Variants in CDC42 observed in about 807,000 individuals in gnomAD.
CDC42 encodes cell division control protein 42 homolog.
In CDC42, 1 loss-of-function variant was observed where a neutral mutation model predicts 20.8. The observed-to-expected ratio is 0.05, with a 90% CI of 0.02 to 0.23. The LOEUF is 0.23. CDC42 is among the 10% of genes least tolerant of loss of function. The probability of loss-of-function intolerance (pLI) is 1.00; values close to 1 mark genes in which losing one functional copy is unlikely to be tolerated. For missense variants in CDC42, 49 were observed against 227.9 expected (o/e 0.21, Z 5.05); for synonymous variants, 72 against 84.8 (o/e 0.85, Z 0.83).
At chr1:22,080,579 T>G (rs570640847) in intron 2 of CDC42, among the ~76,000 whole-genome samples, 1 of 151,558 alleles carries the variant, frequency 6.6e-6, no homozygotes, top group South Asian at 2.1e-4. Flanking sequence ...CTTTTCTTTT[T>G]ATAGATATCA....
At chr1:22,080,398 C>T (rs901065512) in intron 2 of CDC42, among the ~76,000 whole-genome samples, 8 of 152,078 alleles carry the variant, frequency 5.3e-5, no homozygotes, top group Non-Finnish European at 7.4e-5. Flanking sequence ...TTTTAAGAAC[C>T]GACTTTCCTT....
rs2124067392 is a variant in CDC42, at chr1:22,097,358, C to T, written c.*5841C>T. Among the ~76,000 whole-genome samples the T allele has an allele frequency of 6.6e-6, 1 of 152,350 alleles. No homozygotes were observed. ...TGCAATCTCTGCAATTCTCATGCCT[C>T]AGCCTCCCAAGTAGCTGGGACTACA... On this transcript the variant is annotated 3_prime_UTR_variant, in exon 6 of 6. Transcript: ENST00000656825.
At position 22,094,394 on chromosome 1, in the gene CDC42, T is replaced by G. The variant is rs1570054695; in HGVS notation, c.*2877T>G. On this transcript the variant is annotated 3_prime_UTR_variant, in exon 6 of 6. Coordinates refer to ENST00000656825, the MANE Select transcript of CDC42 (RefSeq NM_001791.4). Reference sequence around the variant, plus strand: ...CTCACTGCAAGCTCCGCCTCCCGGGTTCACGCCATTCTCCTGCCTCAGCCT... The same window carrying G: ...CTCACTGCAAGCTCCGCCTCCCGGGGTCACGCCATTCTCCTGCCTCAGCCT... Among the ~76,000 whole-genome samples the G allele has an allele frequency of 2.4e-5, 3 of 125,794 alleles. No homozygotes were observed. The highest frequency in any genetic ancestry group is 3.1e-5 in the African/African-American group (1 of 31,958). The allele number at this position is 125,794 out of a possible 152,430, so 82.5% of individuals were successfully genotyped here.
Position 22,091,766 on chromosome 1 carries a change from T to TTAA in CDC42, c.*249_*250insTAA, listed in dbSNP as rs1389374636. Reference sequence around the variant, plus strand: ...ATTAGTACTATTTTTTTTTGTTGTTTCAAAAAAAAAATTTTTGTGTGTGTG... The same window carrying TTAA: ...ATTAGTACTATTTTTTTTTGTTGTTTTAACAAAAAAAAAATTTTTGTGTGTGTG... On this transcript the variant is annotated 3_prime_UTR_variant, in exon 6 of 6. Coordinates refer to ENST00000656825, the MANE Select transcript of CDC42 (RefSeq NM_001791.4). 6.5e-6 allele frequency: 1 copy of TTAA among 154,036 alleles called. No individual in the cohort carries two copies. The highest frequency in any genetic ancestry group is 9.1e-5 in the Admixed American group (1 of 11,018). 9.5% of individuals were successfully genotyped at this position (154,036 alleles called of 1,614,324 possible). A position where few individuals can be genotyped will look rare whatever the true frequency, so the allele number is the denominator to read the frequency against.
intron 1 of CDC42, among the ~76,000 whole-genome samples, chr1:22,077,640 A>G (rs1645565676): frequency 6.6e-6 from 1 of 152,176 alleles, no homozygotes; most frequent in South Asian, 2.1e-4. Flanking sequence ...ATGGCTGATA[A>G]TGATTCTAAG....
At chr1:22,082,512 C>A (rs149710765) in intron 3 of CDC42, among the ~76,000 whole-genome samples, 1 of 152,276 alleles carries the variant, frequency 6.6e-6, no homozygotes, top group East Asian at 1.9e-4. Context: ...TCTGACTTTT[C>A]TCTATGTGCC....
At chr1:22,078,007 A>G (rs866792627) in intron 1 of CDC42, among the ~76,000 whole-genome samples, 1 of 152,184 alleles carries the variant, frequency 6.6e-6, no homozygotes, top group African/African-American at 2.4e-5. Flanking sequence ...ATCATGAACC[A>G]TTCTTTAAAG....
rs1645280673 is a variant in CDC42, at chr1:22,054,907, ATATATATATATATATTTTTTTTTTTTTT to A, written c.-51+2167_-51+2194del. ...TGAATTTATGTATATATATATATAT[ATATATATATATATATTTTTTTTTTTTTT>A]TTTTTTTTTTTTTTTTTTTTTTTTT... On this transcript the variant is annotated intron_variant, in intron 1 of 5. Coordinates refer to ENST00000656825, the MANE Select transcript of CDC42 (RefSeq NM_001791.4). Among the ~76,000 whole-genome samples, 6 of 12,202 alleles carry A rather than the reference ATATATATATATATATTTTTTTTTTTTTT, an allele frequency of 4.9e-4. 1 individual carries two copies. The highest frequency in any genetic ancestry group is 8.5e-4 in the Non-Finnish European group (4 of 4,704). 8.0% of individuals were successfully genotyped at this position (12,202 alleles called of 152,430 possible).
At chr1:22,071,205 G>A (rs945357732) in intron 1 of CDC42, among the ~76,000 whole-genome samples, 2 of 151,604 alleles carry the variant, frequency 1.3e-5, no homozygotes, top group African/African-American at 4.9e-5. Flanking sequence ...CACCACGCCC[G>A]GCTAATTTTT....
intron 1 of CDC42, chr1:22,068,486 A>T (rs954103573): frequency 2.0e-5 from 3 of 153,044 alleles, no homozygotes; most frequent in Non-Finnish European, 4.4e-5. Context: ...CATTTCTTCT[A>T]GCCATTTCTT....
chr1:22,092,156 T>C lies in CDC42; in HGVS notation c.*639T>C, dbSNP rs1645724962. On this transcript the variant is annotated 3_prime_UTR_variant, in exon 6 of 6. Coordinates refer to ENST00000656825, the MANE Select transcript of CDC42 (RefSeq NM_001791.4). Reference sequence around the variant, plus strand: ...TTAATAACATACTCCTTTTTGAAAGTTGCCTTTTCTCTCCACCCTTGAGTA... The same window carrying C: ...TTAATAACATACTCCTTTTTGAAAGCTGCCTTTTCTCTCCACCCTTGAGTA... 4 of 152,530 alleles carry C rather than the reference T, an allele frequency of 2.6e-5. No individual in the cohort carries two copies. The highest frequency in any genetic ancestry group is 2.6e-4 in the Admixed American group (4 of 15,266). 9.4% of individuals were successfully genotyped at this position (152,530 alleles called of 1,614,324 possible).
chr1:22,079,755 CAG>C (rs1457485486), intron 2 of CDC42, among the ~76,000 whole-genome samples: 1 of 152,106 alleles, frequency 6.6e-6, no homozygotes, highest in Admixed American at 6.5e-5. Flanking sequence ...GGACAGCTAT[CAG>C]AATTTTTCTG....
chr1:22,086,651 T>TA lies in CDC42; in HGVS notation c.289-14dup. On this transcript the variant is annotated splice_polypyrimidine_tract_variant and intron_variant, in intron 4 of 5. Coordinates refer to ENST00000656825, the MANE Select transcript of CDC42 (RefSeq NM_001791.4). Reference sequence around the variant, plus strand: ...CTTGTTGATTAACAAAGGTGTATTTTAAAATACCTTTTTTTAGTGGGTGCC... The same window carrying TA: ...CTTGTTGATTAACAAAGGTGTATTTTAAAAATACCTTTTTTTAGTGGGTGCC... 1 of 1,612,914 alleles carries TA rather than the reference T, an allele frequency of 6.2e-7. No individual in the cohort carries two copies. Among genetic ancestry groups the TA allele is most frequent in the Non-Finnish European group, 8.5e-7 (1 of 1,179,032 alleles).
intron 1 of CDC42, among the ~76,000 whole-genome samples, chr1:22,068,071 G>A (rs1452918984): frequency 6.6e-6 from 1 of 152,066 alleles, no homozygotes; most frequent in African/African-American, 2.4e-5. Context: ...GACAGGGTGA[G>A]ACCCTGTCTC....
chr1:22,089,994 C>T (rs2124049321), intron 5 of CDC42: 1 of 1,614,052 alleles, frequency 6.2e-7, no homozygotes, highest in East Asian at 2.2e-5. Context: ...CCTCGAGCCT[C>T]CGGAAACTCA....
intron 1 of CDC42, among the ~76,000 whole-genome samples, chr1:22,072,231 G>A (rs1645500635): frequency 6.6e-6 from 1 of 150,832 alleles, no homozygotes; most frequent in African/African-American, 2.4e-5. Context: ...CCGAGTAGCT[G>A]GAACTACAGG....
intron 1 of CDC42, among the ~76,000 whole-genome samples, chr1:22,057,596 C>T (rs1310407425): frequency 1.3e-5 from 2 of 152,102 alleles, no homozygotes; most frequent in Non-Finnish European, 2.9e-5. Context: ...GTTGGTCAGG[C>T]TGGTCTCCAA....
intron 2 of CDC42, among the ~76,000 whole-genome samples, chr1:22,079,139 CTTTTTT>C (rs10609742): frequency 3.4e-5 from 4 of 116,742 alleles, no homozygotes; most frequent in Non-Finnish European, 6.8e-5. Flanking sequence ...TTCTTTTTTT[CTTTTTT>C]TTTTTTTTTT....
chr1:22,062,281 T>C (rs1645374743), intron 1 of CDC42, among the ~76,000 whole-genome samples: 1 of 152,206 alleles, frequency 6.6e-6, no homozygotes, highest in Non-Finnish European at 1.5e-5. Context: ...AGACAAATTG[T>C]TTGAGAATCT....
Sources: gnomAD v4.1 joint callset for allele counts (sites outside exome capture counted in the v4.1 genomes callset) on GRCh38, gnomAD v4.1.1 for gene constraint, MANE v1.5 for transcripts, NCBI Gene and HGNC (gene_info 2026-07-23, HGNC 2026-07-21) for gene names.